The following ROCK1 variants were observed in gnomAD, a reference collection of about 807,000 sequenced individuals.
The protein encoded by ROCK1 is Rho associated coiled-coil containing protein kinase 1, also known as rho-associated protein kinase 1.
A neutral mutation model predicts 196.8 loss-of-function variants in ROCK1; 36 were observed. The ratio of observed to expected loss-of-function variants is 0.18; its 90% CI spans 0.14 to 0.24. The LOEUF is 0.24. Ranked by LOEUF, ROCK1 falls within the 10% of genes least tolerant of loss-of-function variation. The pLI is 1.00. For missense variants in ROCK1, 920 were observed against 1,562.0 expected (o/e 0.59, Z 6.93); for synonymous variants, 443 against 515.9 (o/e 0.86, Z 1.91).
At chr18:21,027,528 C>T (rs2035969272) in intron 10 of ROCK1, among the ~76,000 whole-genome samples, 1 of 152,144 alleles carries the variant, frequency 6.6e-6, no homozygotes, top group South Asian at 2.1e-4. Flanking sequence ...TGAGTGCTTA[C>T]ACCATGCAAA....
At chr18:21,090,854 C>T (rs1438310420) in intron 1 of ROCK1, among the ~76,000 whole-genome samples, 3 of 99,062 alleles carry the variant, frequency 3.0e-5, no homozygotes, top group Non-Finnish European at 7.5e-5. Flanking sequence ...GTAAGAGCAT[C>T]AGTATCTCAA....
At chr18:21,086,557 G>A (rs563027432) in intron 1 of ROCK1, among the ~76,000 whole-genome samples, 2 of 152,162 alleles carry the variant, frequency 1.3e-5, no homozygotes, top group African/African-American at 2.4e-5. Context: ...TTTAACATTT[G>A]TATCACTGGA....
chr18:21,006,679 A>G lies in ROCK1; in HGVS notation c.1638+20T>C, dbSNP rs765865295. ...TTATCTACAATTTTTTTAAAAAGGA[A>G]CCTCATTTGAAACACTTACCTGCTT... On this transcript the variant is annotated intron_variant, in intron 15 of 32. Coordinates refer to ENST00000399799, the MANE Select transcript of ROCK1 (RefSeq NM_005406.3). The G allele has an allele frequency of 2.5e-6, 4 of 1,583,354 alleles. No individual in the cohort carries two copies. The South Asian group carries it at 4.7e-5, about 19-fold the overall frequency.
chr18:21,050,427 T>C (rs2036194601), intron 2 of ROCK1, among the ~76,000 whole-genome samples: 1 of 152,106 alleles, frequency 6.6e-6, no homozygotes, highest in Non-Finnish European at 1.5e-5. Context: ...ACCTAGATTT[T>C]AACTTGAAAC....
At chr18:20,964,328 T>TA (rs1163818669) in intron 27 of ROCK1, among the ~76,000 whole-genome samples, 2 of 152,210 alleles carry the variant, frequency 1.3e-5, no homozygotes, top group Non-Finnish European at 2.9e-5. Context: ...AACTATCTAA[T>TA]ATTAAGAATG....
At chr18:21,101,931 A>C (rs1424054612) in intron 1 of ROCK1, among the ~76,000 whole-genome samples, 1 of 152,044 alleles carries the variant, frequency 6.6e-6, no homozygotes, top group Non-Finnish European at 1.5e-5. Flanking sequence ...CAATATATGG[A>C]ATTTACTTTA....
intron 9 of ROCK1, among the ~76,000 whole-genome samples, chr18:21,031,665 T>C (rs1193564930): frequency 6.7e-6 from 1 of 150,000 alleles, no homozygotes; most frequent in Non-Finnish European, 1.5e-5. Context: ...AACCAAGATA[T>C]TAGATTTACT....
chr18:21,031,303 T>C (rs1422351359), intron 9 of ROCK1, among the ~76,000 whole-genome samples: 2 of 151,968 alleles, frequency 1.3e-5, no homozygotes, highest in Non-Finnish European at 2.9e-5. Context: ...TCACAGGGAA[T>C]ATAGAAAAAT....
At chr18:20,956,961 A>T (rs1447260856) in intron 29 of ROCK1, among the ~76,000 whole-genome samples, 1 of 152,246 alleles carries the variant, frequency 6.6e-6, no homozygotes, top group Non-Finnish European at 1.5e-5. Context: ...TAAAATAACA[A>T]TGAAATAACA....
intron 12 of ROCK1, among the ~76,000 whole-genome samples, chr18:21,016,740 T>G (rs1380254679): frequency 6.6e-6 from 1 of 152,166 alleles, no homozygotes; most frequent in Non-Finnish European, 1.5e-5. Context: ...CACTCCCATT[T>G]AGCTGAATAA....
chr18:20,967,110 A>G, intron 26 of ROCK1, 34 bp from the exon 27 acceptor site: 1 of 1,437,794 alleles, frequency 7.0e-7, no homozygotes, highest in Non-Finnish European at 9.6e-7. Context: ...AATATAATCA[A>G]GCTAAAACAA....
chr18:21,108,680 T>C (rs1426720018), intron 1 of ROCK1, among the ~76,000 whole-genome samples: 2 of 152,206 alleles, frequency 1.3e-5, no homozygotes, highest in Non-Finnish European at 2.9e-5. Flanking sequence ...CATTAATTCT[T>C]CTTTTCTCAT....
intron 2 of ROCK1, among the ~76,000 whole-genome samples, chr18:21,054,956 C>T (rs73433117): frequency 6.6e-6 from 1 of 152,278 alleles, no homozygotes; most frequent in African/African-American, 2.4e-5. Flanking sequence ...CCAACAACCC[C>T]AACCCCACCA....
intron 31 of ROCK1, 146 bp downstream of exon 31, chr18:20,954,637 T>C: frequency 5.3e-6 from 4 of 753,012 alleles, no homozygotes; most frequent in Non-Finnish European, 8.6e-6. Context: ...AATCTGTAAA[T>C]AGCTGCATAT....
At chr18:21,004,943 C>G (rs148520002) in intron 16 of ROCK1, among the ~76,000 whole-genome samples, 251 of 152,238 alleles carry the variant, frequency 1.6e-3, no homozygotes, top group Non-Finnish European at 2.9e-3. Context: ...TTTCCTTAGT[C>G]ACAAAAACTG....
chr18:20,961,951 T>C (rs1411461089), intron 27 of ROCK1, among the ~76,000 whole-genome samples: 1 of 151,756 alleles, frequency 6.6e-6, no homozygotes, highest in Admixed American at 6.6e-5. Flanking sequence ...ATTTAGTTCA[T>C]GAAGTAATTA....
intron 16 of ROCK1, among the ~76,000 whole-genome samples, chr18:21,003,426 C>T (rs2035743295): frequency 1.3e-5 from 2 of 152,146 alleles, no homozygotes; most frequent in Admixed American, 6.5e-5. Flanking sequence ...GGAACTTAAG[C>T]ACTAATTAGA....
At chr18:21,100,409 AAAC>A (rs2036649213) in intron 1 of ROCK1, among the ~76,000 whole-genome samples, 1 of 151,966 alleles carries the variant, frequency 6.6e-6, no homozygotes, top group Non-Finnish European at 1.5e-5. Context: ...AAAAAAAAAA[AAAC>A]AAGGAAGCTC....
chr18:21,102,146 A>C (rs1257716724), intron 1 of ROCK1, among the ~76,000 whole-genome samples: 1 of 152,208 alleles, frequency 6.6e-6, no homozygotes, highest in Non-Finnish European at 1.5e-5. Flanking sequence ...AGTGTGTCTA[A>C]GAATCCACAT....
Sources: allele counts gnomAD v4.1 joint callset (sites outside exome capture counted in the v4.1 genomes callset), GRCh38; gene constraint gnomAD v4.1.1; transcripts MANE v1.5; gene names NCBI Gene and HGNC (gene_info 2026-07-23, HGNC 2026-07-21).